IQCF5: variants seen among roughly 807,000 people sequenced by gnomAD.
IQCF5 encodes the protein IQ domain-containing protein F5.
In IQCF5, 2 loss-of-function variants were observed where a neutral mutation model predicts 3.4. The observed-to-expected ratio is 0.58, with a 90% CI of 0.24 to 1.84. IQCF5 has a LOEUF of 1.84. Ranked by LOEUF, IQCF5 falls within the 40% of genes most tolerant of loss-of-function variation. IQCF5 has a pLI of 0.17. For synonymous variants in IQCF5, 58 were observed against 64.7 expected, an observed-to-expected ratio of 0.90 and a Z score of 0.49; for missense variants, 167 against 191.6, an observed-to-expected ratio of 0.87 and a Z score of 0.76.
intron 1 of IQCF5, chr3:51,875,190 C>T: frequency 3.2e-6 from 1 of 316,380 alleles, no homozygotes; most frequent in Admixed American, 4.1e-5. Flanking sequence ...TTGTTCCTTC[C>T]AGCTCTGTTC....
Position 51,874,042 on chromosome 3 carries a change from C to T in IQCF5, c.138G>A (p.Arg46=), listed in dbSNP as rs1438203888. 6.4e-7 allele frequency: 1 copy of T among 1,553,186 alleles called. No homozygotes were observed. The highest frequency in any genetic ancestry group is 1.4e-5 in the African/African-American group (1 of 73,104). ...TTGCCAGCAGCTTCTCCAGCACCTG[C>T]CTCCACCAGCACTGAATGATCCAAG... is the stretch of plus-strand genomic sequence containing the variant. ...LRAWIIQCWW[R]QVLEKLLAKR... is the part of the protein sequence containing the mutation. Residue 46 remains arginine (R), a synonymous_variant, in exon 2 of 2, where the codon AGG becomes AGA. Transcript: ENST00000446461.
chr3:51,875,204 C>A lies in IQCF5; in HGVS notation c.4+324G>T, dbSNP rs920545217. 1.2e-5 allele frequency: 4 copies of A among 329,502 alleles called. No homozygotes were observed. The East Asian group carries it at 2.1e-4, about 17-fold the overall frequency. 20.4% of individuals were successfully genotyped at this position (329,502 alleles called of 1,614,324 possible). ...TTTGTTCCTTCCAGCTCTGTTCTAT[C>A]GATGTGATTTCATCATTATGTTTAA... On this transcript the variant is annotated intron_variant, in intron 1 of 1. Transcript: ENST00000446461.
At position 51,875,537 on chromosome 3, in the gene IQCF5, G is replaced by C. The variant is rs150191225; in HGVS notation, c.-6C>G. 1 of 1,551,976 alleles carries C rather than the reference G, an allele frequency of 6.4e-7. No individual in the cohort carries two copies. On this transcript the variant is annotated 5_prime_UTR_variant, in exon 1 of 2. Coordinates refer to ENST00000446461, the MANE Select transcript of IQCF5 (RefSeq NM_001145059.2). ...GACTTTACTAAATTACCCATGGTTAGGGGCTAGATGGTCCCATCACCCTCC... is the reference window on the plus strand; with the variant it reads ...GACTTTACTAAATTACCCATGGTTACGGGCTAGATGGTCCCATCACCCTCC...
rs1423054884 is a variant in IQCF5, at chr3:51,874,001, A to T, written c.179T>A (p.Val60Glu). 6.4e-7 allele frequency: 1 copy of T among 1,552,242 alleles called. No homozygotes were observed. The highest frequency in any genetic ancestry group is 8.7e-7 in the Non-Finnish European group (1 of 1,147,288). The part of the protein sequence containing the change: ...EKLLAKRRRM[V>E]LEFYVQQEWA... ...TTCCTGCTGCACATAGAACTCCAAC[A>T]CCATCCTCCGCCTCTTTGCCAGCAG... Residue 60 changes from valine (V) to glutamate (E), a missense_variant, in exon 2 of 2, where the codon GTG becomes GAG. By Grantham distance (121) the Val-to-Glu change is moderately radical (BLOSUM62 -2). Transcript: ENST00000446461.
In IQCF5 at chr3:51,874,162, C is replaced by T. The variant is rs371092410; in HGVS notation, c.18G>A (p.Lys6=). 9.0e-6 allele frequency: 14 copies of T among 1,548,336 alleles called. No homozygotes were observed. Among genetic ancestry groups the T allele is most frequent in the African/African-American group, 2.7e-5 (2 of 73,060 alleles). MGPEE[K]TIMTERSAAV... is the part of the protein sequence containing the mutation. Reference sequence around the variant, plus strand: ...CTGCAGACCTTTCTGTCATGATGGTCTTCTCTTCTGGGCCTTACAAGAGAA... The same window carrying T: ...CTGCAGACCTTTCTGTCATGATGGTTTTCTCTTCTGGGCCTTACAAGAGAA... Residue 6 remains lysine (K), a synonymous_variant, in exon 2 of 2, where the codon AAG becomes AAA. Coordinates refer to ENST00000446461, the MANE Select transcript of IQCF5 (RefSeq NM_001145059.2).
At chr3:51,874,376 T>A (rs1225901676) in intron 1 of IQCF5, 1 of 704,112 alleles carries the variant, frequency 1.4e-6, no homozygotes, top group East Asian at 2.7e-5. Flanking sequence ...AATGTCCCCA[T>A]CTGCAAAATA....
intron 1 of IQCF5, chr3:51,874,735 T>TC (rs11399277): frequency 0.93 from 257,604 of 277,320 alleles, 121,335 homozygotes; most frequent in South Asian, 0.98. Flanking sequence ...TGCCCCTTGG[T>TC]CCTGCATTCC....
chr3:51,874,380 C>G, intron 1 of IQCF5: 1 of 701,718 alleles, frequency 1.4e-6, no homozygotes. Context: ...TCCCCATCTG[C>G]AAAATAGGTG....
rs758728270 is a variant in IQCF5, at chr3:51,875,491, C to T, written c.4+37G>A. 41 of 1,551,412 alleles carry T rather than the reference C, an allele frequency of 2.6e-5. No individual in the cohort carries two copies. In the South Asian group the frequency reaches 3.3e-4, roughly 13 times the overall value. ...ACAAAACATCTGACTGGGGACAGGT[C>T]GTAAAATTCGCACAGGTCTGGACTT... On this transcript the variant is annotated intron_variant, in intron 1 of 1. Transcript: ENST00000446461.
Position 51,873,863 on chromosome 3 carries a change from C to A in IQCF5, c.317G>T (p.Cys106Phe). Residue 106 changes from cysteine to phenylalanine, a missense_variant, in exon 2 of 2, where the codon TGC (cysteine) becomes TTC (phenylalanine). Transcript: ENST00000446461. ...GCCCTCAATAAAGACACGGGAATGG[C>A]AGCTGTGCCAGCGCCAATAGACCTG... The part of the protein sequence containing the change: ...IIQVYWRWHS[C>F]HSRVFIEGHY... The A allele has an allele frequency of 6.4e-7, 1 of 1,551,776 alleles. No individual in the cohort carries two copies. Among genetic ancestry groups the A allele is most frequent in the Non-Finnish European group, 8.7e-7 (1 of 1,147,008 alleles).
chr3:51,874,581 G>C, intron 1 of IQCF5: 1 of 384,686 alleles, frequency 2.6e-6, no homozygotes, highest in Non-Finnish European at 5.1e-6. Context: ...CTGACTTCAA[G>C]TCAAACCCAC....
Position 51,873,734 on chromosome 3 carries a change from C to A in IQCF5, c.446G>T (p.Ter149LeuextTer?). Reference protein sequence around the residue: ...QQCIPLPLKE* With the variant: ...QQCIPLPLKEL ...GGGACACAGATATAGCAGACCTGGT[C>A]ATTCTTTTAATGGAAGGGGTATGCA... The change falls in exon 2 of 2, where the codon TGA becomes TTA. Residue 149 changes from the stop codon to leucine, a stop_lost. Coordinates refer to ENST00000446461, the MANE Select transcript of IQCF5 (RefSeq NM_001145059.2). 3 of 1,547,230 alleles carry A rather than the reference C, an allele frequency of 1.9e-6. No individual in the cohort carries two copies. In the South Asian group the frequency reaches 3.6e-5, roughly 18 times the overall value.
chr3:51,874,281 C>G, intron 1 of IQCF5, 106 bp from the exon 2 acceptor site: 1 of 1,177,674 alleles, frequency 8.5e-7, no homozygotes, highest in Non-Finnish European at 1.2e-6. Context: ...AGGGCAACAG[C>G]TGAACCCAGG....
intron 1 of IQCF5, chr3:51,875,095 C>G (rs1698781561): frequency 4.6e-6 from 1 of 216,018 alleles, no homozygotes; most frequent in African/African-American, 2.3e-5. Context: ...CTCTCTGGAC[C>G]CAGCCACTCA....
chr3:51,874,710 C>CACT (rs1698777940), intron 1 of IQCF5: 15 of 295,096 alleles, frequency 5.1e-5, no homozygotes, highest in South Asian at 4.3e-4. Flanking sequence ...ACACTCCACA[C>CACT]ACTAACACAC....
At chr3:51,875,251 C>T in intron 1 of IQCF5, 2 of 518,456 alleles carry the variant, frequency 3.9e-6, no homozygotes, top group Non-Finnish European at 7.0e-6. Flanking sequence ...AACAGCTTGC[C>T]ATCCTTCTGG....
In IQCF5 at chr3:51,873,732, G is replaced by A; in HGVS notation, c.*1C>T. On this transcript the variant is annotated 3_prime_UTR_variant, in exon 2 of 2. Coordinates refer to ENST00000446461, the MANE Select transcript of IQCF5 (RefSeq NM_001145059.2). ...TGGGGACACAGATATAGCAGACCTG[G>A]TCATTCTTTTAATGGAAGGGGTATG... 1 of 1,545,406 alleles carries A rather than the reference G, an allele frequency of 6.5e-7. No individual in the cohort carries two copies. The highest frequency in any genetic ancestry group is 8.8e-7 in the Non-Finnish European group (1 of 1,141,814).
chr3:51,875,454 T>C (rs1017933687), intron 1 of IQCF5, 74 bp downstream of exon 1: 2 of 1,503,744 alleles, frequency 1.3e-6, no homozygotes, highest in Non-Finnish European at 1.8e-6. Context: ...AGTGTGGTTC[T>C]GACTGCCTCT....
chr3:51,874,371 C>G (rs1698775009), intron 1 of IQCF5, 196 bp from the exon 2 acceptor site: 2 of 706,278 alleles, frequency 2.8e-6, no homozygotes, highest in Non-Finnish European at 5.1e-6. Context: ...GTTTCAATGT[C>G]CCCATCTGCA....
Sources: allele counts gnomAD v4.1 joint callset, GRCh38; gene constraint gnomAD v4.1.1; transcripts MANE v1.5; gene names NCBI Gene and HGNC (gene_info 2026-07-23, HGNC 2026-07-21).